Variants in SFXN1 observed in about 807,000 individuals in gnomAD.
SFXN1 encodes sideroflexin 1, also known as sideroflexin-1.
SFXN1 carries 32 observed loss-of-function variants against 39.5 expected under a neutral mutation model. The observed-to-expected ratio is 0.81, with a 90% CI of 0.61 to 1.09. The LOEUF (loss-of-function observed/expected upper bound fraction) is 1.09, where lower values mean the gene tolerates loss of function less well. SFXN1 is among the 50% of genes least tolerant of loss of function. The pLI, the probability that SFXN1 is intolerant of heterozygous loss-of-function variation, is 0.00. For synonymous variants in SFXN1, 136 were observed against 146.5 expected (o/e 0.93, Z 0.52); for missense variants, 402 against 407.1 (o/e 0.99, Z 0.11).
At position 175,513,000 on chromosome 5, in the gene SFXN1, A is replaced by T. The variant is rs187237840; in HGVS notation, c.597-463A>T. On this transcript the variant is annotated intron_variant, in intron 6 of 10. Coordinates refer to ENST00000321442, the MANE Select transcript of SFXN1 (RefSeq NM_022754.7). ...AAGGAGGATTAAACTTATCCATGGT[A>T]TTTAAAAATAGATGTGTCTGCTGGG... Among the ~76,000 whole-genome samples the T allele has an allele frequency of 3.9e-3, 595 of 152,264 alleles. 7 individuals carry two copies. The highest frequency in any genetic ancestry group is 0.013 in the African/African-American group (550 of 41,556).
At chr5:175,504,429 A>G (rs10067855) in intron 2 of SFXN1, among the ~76,000 whole-genome samples, 19,551 of 151,388 alleles carry the variant, frequency 0.13, 1,595 homozygotes, top group African/African-American at 0.23. Flanking sequence ...ACAAAAACTA[A>G]CCGGGCGTGG....
rs1561676830 is a variant in SFXN1, at chr5:175,521,916, CAG to C, written c.775_776del. 2.5e-6 allele frequency: 4 copies of C among 1,595,362 alleles called. No individual in the cohort carries two copies. The highest frequency in any genetic ancestry group is 2.2e-5 in the East Asian group (1 of 44,706). Reference sequence around the variant, plus strand: ...ATTCAAAGCCATTTATTTCTCAACACAGAGGTTCCCATGGATGAGTGCACCCA... The same window carrying C: ...ATTCAAAGCCATTTATTTCTCAACACAGGTTCCCATGGATGAGTGCACCCA... On this transcript the variant is annotated splice_acceptor_variant, in intron 8 of 10. Transcript: ENST00000321442. LOFTEE classifies it high-confidence loss of function.
At chr5:175,489,527 T>C (rs1759580371) in intron 1 of SFXN1, among the ~76,000 whole-genome samples, 1 of 152,188 alleles carries the variant, frequency 6.6e-6, no homozygotes, top group South Asian at 2.1e-4. Flanking sequence ...TATATTCTAA[T>C]TCAAAATTTA....
chr5:175,489,829 G>A (rs1293312164), intron 1 of SFXN1, among the ~76,000 whole-genome samples: 4 of 152,122 alleles, frequency 2.6e-5, no homozygotes, highest in African/African-American at 9.7e-5. Context: ...ATGCTGATGG[G>A]CACCAAGCTA....
At chr5:175,482,671 C>G (rs1759295064) in intron 1 of SFXN1, among the ~76,000 whole-genome samples, 1 of 152,162 alleles carries the variant, frequency 6.6e-6, no homozygotes. Context: ...GCCTCTTATA[C>G]TCTTCAGTTT....
intron 1 of SFXN1, 102 bp from the exon 2 acceptor site, chr5:175,491,993 G>C: frequency 1.3e-6 from 1 of 743,206 alleles, no homozygotes; most frequent in Non-Finnish European, 2.1e-6. Context: ...AATAGGAAGA[G>C]TATGTACATA....
chr5:175,517,993 G>A (rs1760766056), intron 8 of SFXN1, among the ~76,000 whole-genome samples: 1 of 152,082 alleles, frequency 6.6e-6, no homozygotes, highest in Non-Finnish European at 1.5e-5. Flanking sequence ...TTTTTTAAAC[G>A]GTGATGCTTG....
chr5:175,492,358 C>G, intron 2 of SFXN1, 91 bp downstream of exon 2: 1 of 973,182 alleles, frequency 1.0e-6, no homozygotes, highest in Non-Finnish European at 1.3e-6. Flanking sequence ...GATTTTACAA[C>G]TTTTTTTTTT....
In SFXN1 at chr5:175,516,042, C is replaced by T. The variant is rs565613708; in HGVS notation, c.725-572C>T. Among the ~76,000 whole-genome samples, 14 of 148,992 alleles carry T rather than the reference C, an allele frequency of 9.4e-5. No homozygotes were observed. The East Asian group carries it at 2.1e-3, about 23-fold the overall frequency. The stretch of plus-strand genomic sequence containing the variant: ...GGCTCCTGTGAGAATGTAATGCGGT[C>T]GCTGACCTGACAGGAGGCAGAGCTC... On this transcript the variant is annotated intron_variant, in intron 7 of 10. Coordinates refer to ENST00000321442, the MANE Select transcript of SFXN1 (RefSeq NM_022754.7).
chr5:175,485,275 A>G (rs1209522705), intron 1 of SFXN1, among the ~76,000 whole-genome samples: 1 of 152,240 alleles, frequency 6.6e-6, no homozygotes, highest in Non-Finnish European at 1.5e-5. Context: ...AAATTACTAC[A>G]TATTTGAGTA....
intron 2 of SFXN1, among the ~76,000 whole-genome samples, chr5:175,508,718 A>G (rs1433478513): frequency 1.3e-5 from 2 of 151,690 alleles, no homozygotes; most frequent in Non-Finnish European, 2.9e-5. Flanking sequence ...GCTCACTGTA[A>G]CCTCTGCCTC....
chr5:175,493,338 C>T (rs1222467105), intron 2 of SFXN1, among the ~76,000 whole-genome samples: 1 of 152,070 alleles, frequency 6.6e-6, no homozygotes, highest in Non-Finnish European at 1.5e-5. Flanking sequence ...GACTCCTGCA[C>T]TGGGGGAAAG....
intron 2 of SFXN1, among the ~76,000 whole-genome samples, chr5:175,505,573 T>TAATAATAATAATAATAA (rs1561665361): frequency 1.3e-5 from 2 of 149,400 alleles, no homozygotes; most frequent in Non-Finnish European, 3.0e-5. Flanking sequence ...ATAATAATAA[T>TAATAATAATAATAATAA]TCTAAGGTTT....
At chr5:175,522,286 A>C (rs1382961639) in intron 9 of SFXN1, 89 bp from the exon 10 acceptor site, 4 of 1,316,560 alleles carry the variant, frequency 3.0e-6, no homozygotes, top group Non-Finnish European at 4.2e-6. Flanking sequence ...CTCTGAAGAA[A>C]GAAGGGATTG....
intron 1 of SFXN1, among the ~76,000 whole-genome samples, chr5:175,480,523 C>A (rs1000177220): frequency 6.6e-6 from 1 of 152,180 alleles, no homozygotes; most frequent in African/African-American, 2.4e-5. Context: ...GGGATGATAT[C>A]TGTGGTTACA....
intron 2 of SFXN1, among the ~76,000 whole-genome samples, chr5:175,497,869 G>T (rs1427324715): frequency 2.7e-5 from 4 of 147,312 alleles, no homozygotes; most frequent in Non-Finnish European, 3.0e-5. Context: ...GGCGGAGGTT[G>T]TAGTGAGCCG....
intron 1 of SFXN1, among the ~76,000 whole-genome samples, chr5:175,482,575 T>C (rs1187060389): frequency 6.6e-6 from 1 of 152,146 alleles, no homozygotes; most frequent in Non-Finnish European, 1.5e-5. Context: ...CTGTGGCCAG[T>C]GAGGACAGGA....
At chr5:175,513,231 G>A (rs1760584694) in intron 6 of SFXN1, among the ~76,000 whole-genome samples, 1 of 149,212 alleles carries the variant, frequency 6.7e-6, no homozygotes, top group Non-Finnish European at 1.5e-5. Context: ...AACCCGGGAG[G>A]CAGAGGTTGC....
In SFXN1 at chr5:175,499,887, T is replaced by C. The variant is rs186102010; in HGVS notation, c.164+7620T>C. Among the ~76,000 whole-genome samples the C allele has an allele frequency of 2.6e-3, 391 of 152,350 alleles. 5 individuals are homozygous for C. Among genetic ancestry groups the C allele is most frequent in the Non-Finnish European group, 2.6e-3 (177 of 68,040 alleles). ...CTTATTCACAGAAAACGTGATCATCTATATAGAAAGAATTTACCAGGCCAG... is the reference window on the plus strand; with the variant it reads ...CTTATTCACAGAAAACGTGATCATCCATATAGAAAGAATTTACCAGGCCAG... On this transcript the variant is annotated intron_variant, in intron 2 of 10. Transcript: ENST00000321442.
Sources: allele counts gnomAD v4.1 joint callset (sites outside exome capture counted in the v4.1 genomes callset), GRCh38; gene constraint gnomAD v4.1.1; transcripts MANE v1.5; gene names NCBI Gene and HGNC (gene_info 2026-07-23, HGNC 2026-07-21).